The following MARCHF1 variants were observed in gnomAD, a reference collection of about 807,000 sequenced individuals.
MARCHF1 encodes membrane associated ring-CH-type finger 1.
A neutral mutation model predicts 54.2 loss-of-function variants in MARCHF1; 40 were observed. That is an observed-to-expected ratio of 0.74 (90% CI 0.57 to 0.96). The LOEUF (loss-of-function observed/expected upper bound fraction) is 0.96. MARCHF1 is among the 40% of genes least tolerant of loss of function. The pLI, the probability that MARCHF1 is intolerant of heterozygous loss-of-function variation, is 0.00. For missense variants in MARCHF1, 586 were observed against 656.5 expected, an observed-to-expected ratio of 0.89 and a Z score of 1.17; for synonymous variants, 236 against 236.3, an observed-to-expected ratio of 1.00 and a Z score of 0.01.
At chr4:164,163,915 A>G (rs902575414) in intron 1 of MARCHF1, among the ~76,000 whole-genome samples, 3 of 151,992 alleles carry the variant, frequency 2.0e-5, no homozygotes, top group Non-Finnish European at 4.4e-5. Context: ...ATTAAAAATC[A>G]ATAGTACAAA....
intron 5 of MARCHF1, among the ~76,000 whole-genome samples, chr4:163,653,800 C>A (rs555697566): frequency 4.6e-5 from 7 of 151,420 alleles, no homozygotes; most frequent in Non-Finnish European, 1.0e-4. Context: ...TTTGGAAACA[C>A]AAGTTTGAGA....
intron 1 of MARCHF1, among the ~76,000 whole-genome samples, chr4:164,345,852 A>G (rs891316260): frequency 7.2e-5 from 11 of 152,080 alleles, no homozygotes; most frequent in Non-Finnish European, 1.5e-4. Flanking sequence ...CCTGAATTCC[A>G]TAACTTCATA....
chr4:164,323,529 T>C (rs1364873256), intron 1 of MARCHF1, among the ~76,000 whole-genome samples: 1 of 117,308 alleles, frequency 8.5e-6, no homozygotes, highest in Non-Finnish European at 1.7e-5. Context: ...TTAATGAATA[T>C]AAGTTCAAAA....
intron 1 of MARCHF1, among the ~76,000 whole-genome samples, chr4:164,179,322 C>T (rs575468905): frequency 6.6e-6 from 1 of 152,244 alleles, no homozygotes; most frequent in African/African-American, 2.4e-5. Context: ...AAATAATAGA[C>T]ACCATTTGTC....
intron 9 of MARCHF1, among the ~76,000 whole-genome samples, chr4:163,543,651 A>G (rs1738797016): frequency 6.6e-6 from 1 of 152,092 alleles, no homozygotes; most frequent in South Asian, 2.1e-4. Flanking sequence ...GTTTTTGGAG[A>G]TATTTTTGTG....
intron 1 of MARCHF1, among the ~76,000 whole-genome samples, chr4:164,216,288 T>C (rs1029229494): frequency 2.0e-5 from 3 of 152,206 alleles, no homozygotes; most frequent in Non-Finnish European, 1.5e-5. Flanking sequence ...AATAAAAATG[T>C]CTTTTAGGAG....
At chr4:163,615,890 TG>T (rs1306970902) in intron 5 of MARCHF1, among the ~76,000 whole-genome samples, 3 of 152,188 alleles carry the variant, frequency 2.0e-5, no homozygotes, top group African/African-American at 7.2e-5. Context: ...CATAGACCCA[TG>T]GAACACAACA....
chr4:163,531,734 G>C (rs1738361345), intron 9 of MARCHF1, among the ~76,000 whole-genome samples: 1 of 151,656 alleles, frequency 6.6e-6, no homozygotes, highest in Non-Finnish European at 1.5e-5. Context: ...TGACAATGTT[G>C]CAGGATACAA....
chr4:163,587,898 C>T (rs1036273035), intron 7 of MARCHF1, among the ~76,000 whole-genome samples: 4 of 152,116 alleles, frequency 2.6e-5, no homozygotes, highest in Non-Finnish European at 4.4e-5. Context: ...TGCTACTGTT[C>T]TTTCCTTTAA....
intron 9 of MARCHF1, 32 bp from the exon 10 acceptor site, chr4:163,529,078 C>A: frequency 6.5e-7 from 1 of 1,549,706 alleles, no homozygotes; most frequent in Non-Finnish European, 8.7e-7. Flanking sequence ...ATGTTATCAC[C>A]AAGTTGTCCT....
chr4:163,934,282 C>A (rs1253291151), intron 3 of MARCHF1, among the ~76,000 whole-genome samples: 3 of 151,706 alleles, frequency 2.0e-5, no homozygotes, highest in Non-Finnish European at 4.4e-5. Context: ...CAACAAAAAA[C>A]CACTACATTA....
intron 1 of MARCHF1, among the ~76,000 whole-genome samples, chr4:164,317,709 G>GA (rs1220622561): frequency 6.6e-6 from 1 of 152,148 alleles, no homozygotes; most frequent in African/African-American, 2.4e-5. Context: ...ATCTGTGCCT[G>GA]AAAAAGAAAT....
intron 2 of MARCHF1, among the ~76,000 whole-genome samples, chr4:164,046,098 C>T (rs941545953): frequency 1.2e-4 from 19 of 152,262 alleles, no homozygotes; most frequent in African/African-American, 3.4e-4. Flanking sequence ...TTTCATAGAA[C>T]GAAGCAATAA....
At chr4:163,699,887 G>C (rs1004473880) in intron 5 of MARCHF1, among the ~76,000 whole-genome samples, 1 of 151,384 alleles carries the variant, frequency 6.6e-6, no homozygotes. Context: ...AAAATCTAGA[G>C]TATGTCTCTC....
At chr4:163,629,319 T>C (rs959449650) in intron 5 of MARCHF1, among the ~76,000 whole-genome samples, 1 of 152,340 alleles carries the variant, frequency 6.6e-6, no homozygotes, top group East Asian at 1.9e-4. Flanking sequence ...GGGGTCCCTA[T>C]GTAATAAATG....
intron 1 of MARCHF1, among the ~76,000 whole-genome samples, chr4:164,366,890 A>C (rs1333379467): frequency 6.7e-6 from 1 of 148,982 alleles, no homozygotes; most frequent in Non-Finnish European, 1.5e-5. Flanking sequence ...AAAATAATTT[A>C]CTCATTATTT....
At chr4:164,190,116 C>G in intron 1 of MARCHF1, 1 of 1,487,056 alleles carries the variant, frequency 6.7e-7, no homozygotes, top group Admixed American at 1.8e-5. Context: ...TAAAGAAAAG[C>G]TGGGAGGTAA....
At chr4:163,616,261 G>T (rs1741505727) in intron 5 of MARCHF1, among the ~76,000 whole-genome samples, 1 of 152,116 alleles carries the variant, frequency 6.6e-6, no homozygotes, top group Non-Finnish European at 1.5e-5. Context: ...CCTTGCTTGT[G>T]CAAAGGATTG....
chr4:163,712,061 T>C (rs372903886), intron 4 of MARCHF1, among the ~76,000 whole-genome samples: 48 of 152,342 alleles, frequency 3.2e-4, no homozygotes, highest in South Asian at 8.3e-4. Flanking sequence ...ATAAGAGTTA[T>C]ATTGTTTTCT....
Sources: allele counts gnomAD v4.1 joint callset (sites outside exome capture counted in the v4.1 genomes callset), GRCh38; gene constraint gnomAD v4.1.1; transcripts MANE v1.5; gene names NCBI Gene and HGNC (gene_info 2026-07-23, HGNC 2026-07-21).